Variants in SND1 observed in about 807,000 individuals in gnomAD.
SND1 encodes the protein staphylococcal nuclease domain-containing protein 1.
A neutral mutation model predicts 121.7 loss-of-function variants in SND1; 38 were observed. The ratio of observed to expected loss-of-function variants is 0.31; its 90% confidence interval spans 0.24 to 0.41. The LOEUF (loss-of-function observed/expected upper bound fraction) is 0.41, where lower values mean the gene tolerates loss of function less well. Among genes scored for constraint, SND1 ranks in the 10% least tolerant of loss-of-function variants. SND1 has a pLI of 1.00. For missense variants in SND1, 868 were observed against 1,184.6 expected (o/e 0.73, Z 3.92); for synonymous variants, 401 against 447.4 (o/e 0.90, Z 1.31).
At chr7:127,854,561 TTTATTTA>T (rs1799235014) in intron 12 of SND1, among the ~76,000 whole-genome samples, 1 of 150,736 alleles carries the variant, frequency 6.6e-6, no homozygotes, top group Admixed American at 6.6e-5. Flanking sequence ...TATTTATTTA[TTTATTTA>T]TTTATTTATT....
chr7:128,050,661 T>TC (rs1380489913), intron 16 of SND1, among the ~76,000 whole-genome samples: 1 of 152,144 alleles, frequency 6.6e-6, no homozygotes, highest in African/African-American at 2.4e-5. Flanking sequence ...TTCCATCTCT[T>TC]CCCCCAGTCT....
intron 10 of SND1, among the ~76,000 whole-genome samples, chr7:127,805,065 G>A (rs987328801): frequency 1.3e-5 from 2 of 152,056 alleles, no homozygotes; most frequent in Non-Finnish European, 2.9e-5. Context: ...CACCAACTCT[G>A]CTTTACAGCT....
intron 16 of SND1, among the ~76,000 whole-genome samples, chr7:128,073,700 G>GA (rs1793453946): frequency 2.0e-5 from 3 of 152,240 alleles, no homozygotes; most frequent in Admixed American, 2.0e-4. Context: ...GAGGTCAGGA[G>GA]AAAATCAAAG....
At chr7:127,865,818 G>A (rs1052204668) in intron 12 of SND1, among the ~76,000 whole-genome samples, 1 of 148,374 alleles carries the variant, frequency 6.7e-6, no homozygotes, top group South Asian at 2.2e-4. Context: ...GTCTTGCTAT[G>A]TTGCCCAGAC....
At position 127,701,221 on chromosome 7, in the gene SND1, A is replaced by ATG; in HGVS notation, c.490_491dup (p.Trp164CysfsTer127). On this transcript the variant is annotated frameshift_variant, in exon 5 of 24. Transcript: ENST00000354725. LOFTEE classifies it high-confidence loss of function. ...ACAAGCAAAGGCAGCCAAGAAAGGGATGTGGAGTGAGGGGAACGGTTCACA... is the reference window on the plus strand; with the variant it reads ...ACAAGCAAAGGCAGCCAAGAAAGGGATGTGTGGAGTGAGGGGAACGGTTCACA... The ATG allele has an allele frequency of 6.2e-7, 1 of 1,614,088 alleles. No homozygotes were observed. Among genetic ancestry groups the ATG allele is most frequent in the Non-Finnish European group, 8.5e-7 (1 of 1,179,978 alleles).
At chr7:127,765,996 G>A (rs1410420540) in intron 10 of SND1, among the ~76,000 whole-genome samples, 1 of 152,134 alleles carries the variant, frequency 6.6e-6, no homozygotes, top group Non-Finnish European at 1.5e-5. Context: ...TAAAATTCAT[G>A]TGCTGGAAAC....
intron 1 of SND1, among the ~76,000 whole-genome samples, chr7:127,667,550 G>T (rs1795440663): frequency 6.6e-6 from 1 of 152,188 alleles, no homozygotes; most frequent in Admixed American, 6.5e-5. Context: ...CCCATCCCTG[G>T]ATCAGGAACA....
intron 16 of SND1, among the ~76,000 whole-genome samples, chr7:128,043,290 T>G (rs1185682216): frequency 6.6e-6 from 1 of 152,208 alleles, no homozygotes; most frequent in Non-Finnish European, 1.5e-5. Context: ...TTGTTTGCCC[T>G]AATTATTTTG....
At chr7:127,989,943 G>A (rs1030328629) in intron 15 of SND1, among the ~76,000 whole-genome samples, 1 of 152,142 alleles carries the variant, frequency 6.6e-6, no homozygotes, top group Non-Finnish European at 1.5e-5. Context: ...GAAAGAAAAG[G>A]CAGTCTCACT....
rs79382943 is a variant in SND1 at position 128,042,695 on chromosome 7, C to T, written c.1780-31807C>T. Among the ~76,000 whole-genome samples the T allele has an allele frequency of 3.2e-4, 48 of 152,282 alleles. 1 individual carries two copies. The East Asian group carries it at 7.9e-3, about 25-fold the overall frequency. On this transcript the variant is annotated intron_variant, in intron 16 of 23. Coordinates refer to ENST00000354725, the MANE Select transcript of SND1 (RefSeq NM_014390.4). ...TTTGCACCTATTATCTGAAAAGGGG[C>T]AGAAATAAGAATTCTGCTCCTGAAC...
intron 9 of SND1, chr7:127,718,674 C>G: frequency 1.0e-6 from 1 of 985,354 alleles, no homozygotes; most frequent in Non-Finnish European, 1.2e-6. Context: ...GCCGTTGCTG[C>G]TAACATATTA....
intron 11 of SND1, among the ~76,000 whole-genome samples, chr7:127,812,234 T>G (rs904319066): frequency 2.0e-5 from 3 of 152,250 alleles, no homozygotes; most frequent in Non-Finnish European, 4.4e-5. Context: ...TTCCTGTATA[T>G]AATACATCCT....
At chr7:127,734,835 A>G (rs2116419622) in intron 10 of SND1, among the ~76,000 whole-genome samples, 1 of 152,262 alleles carries the variant, frequency 6.6e-6, no homozygotes, top group East Asian at 1.9e-4. Context: ...TGTCTGTTAG[A>G]CTAATTATCT....
Position 127,694,909 on chromosome 7 carries a change from C to T in SND1, c.310C>T (p.Pro104Ser), listed in dbSNP as rs1245029006. The T allele has an allele frequency of 6.2e-7, 1 of 1,613,760 alleles. No homozygotes were observed. The highest frequency in any genetic ancestry group is 2.2e-5 in the East Asian group (1 of 44,876). The change falls in exon 3 of 24, where the codon CCC becomes TCC. Residue 104 changes from proline (P) to serine (S), a missense_variant. Coordinates refer to ENST00000354725, the MANE Select transcript of SND1 (RefSeq NM_014390.4). ...EVCFTIENKT[P>S]QGREYGMIYL... is the part of the protein sequence containing the mutation. ...CTGTTTCACGATAGAAAACAAGACT[C>T]CCCAGGGGCGAGAGTATGGCATGAT... is the stretch of plus-strand genomic sequence containing the variant.
At chr7:127,940,765 C>T (rs1488287905) in intron 15 of SND1, among the ~76,000 whole-genome samples, 2 of 152,208 alleles carry the variant, frequency 1.3e-5, no homozygotes, top group Non-Finnish European at 2.9e-5. Flanking sequence ...TGGGCTGGAT[C>T]TGTTAGAGTT....
At chr7:128,043,366 G>A (rs1792888782) in intron 16 of SND1, among the ~76,000 whole-genome samples, 1 of 152,048 alleles carries the variant, frequency 6.6e-6, no homozygotes, top group Non-Finnish European at 1.5e-5. Context: ...TTGAGGTCAG[G>A]AGTTCGAGAC....
In SND1 at chr7:127,966,328, G is replaced by T. The variant is rs966128207; in HGVS notation, c.1670-24619G>T. ...AAGTCAACAAGGATACCCAGGAATTGAACTCAGCTCTGCACCAAGCGGACC... is the reference window on the plus strand; with the variant it reads ...AAGTCAACAAGGATACCCAGGAATTTAACTCAGCTCTGCACCAAGCGGACC... On this transcript the variant is annotated intron_variant, in intron 15 of 23. Coordinates refer to ENST00000354725, the MANE Select transcript of SND1 (RefSeq NM_014390.4). Among the ~76,000 whole-genome samples the T allele has an allele frequency of 1.4e-4, 21 of 148,918 alleles. 1 individual carries two copies. Among genetic ancestry groups the T allele is most frequent in the Admixed American group, 6.7e-5 (1 of 14,846 alleles).
At chr7:127,696,243 G>A (rs1354864026) in intron 3 of SND1, among the ~76,000 whole-genome samples, 1 of 152,134 alleles carries the variant, frequency 6.6e-6, no homozygotes, top group African/African-American at 2.4e-5. Flanking sequence ...TGTTTTTAAT[G>A]ATAGAGGTCT....
intron 11 of SND1, among the ~76,000 whole-genome samples, chr7:127,830,037 G>C (rs1798710505): frequency 6.6e-6 from 1 of 152,164 alleles, no homozygotes; most frequent in African/African-American, 2.4e-5. Context: ...ACATAAATTT[G>C]ATCTTAATTA....
Sources: allele counts gnomAD v4.1 joint callset (sites outside exome capture counted in the v4.1 genomes callset), GRCh38; gene constraint gnomAD v4.1.1; transcripts MANE v1.5; gene names NCBI Gene and HGNC (gene_info 2026-07-23, HGNC 2026-07-21).